POSTN: variants seen among roughly 807,000 people sequenced by gnomAD.
POSTN encodes osteoblast specific factor 2 (fasciclin I-like).
In POSTN, 71 loss-of-function variants were observed where a neutral mutation model predicts 104.5. That is an observed-to-expected ratio of 0.68 (90% CI 0.56 to 0.83). The LOEUF is 0.83. POSTN is among the 40% of genes least tolerant of loss of function. The pLI is 0.00. For synonymous variants in POSTN, 355 were observed against 340.7 expected, an observed-to-expected ratio of 1.04 and a Z score of -0.46; for missense variants, 949 against 1,006.8, an observed-to-expected ratio of 0.94 and a Z score of 0.78.
chr13:37,565,059 C>T (rs1184260035), intron 21 of POSTN: 1 of 152,320 alleles, frequency 6.6e-6, no homozygotes, highest in African/African-American at 2.4e-5. Flanking sequence ...AACAAAGTAG[C>T]ACTGACCTAA....
At chr13:37,596,532 CAT>C (rs1489032916) in intron 2 of POSTN, among the ~76,000 whole-genome samples, 3 of 152,164 alleles carry the variant, frequency 2.0e-5, no homozygotes, top group Admixed American at 1.3e-4. Flanking sequence ...ATCAGTGAAA[CAT>C]ATGTTAAAAC....
Position 37,597,191 on chromosome 13 carries a change from GTCCACAGA to G in POSTN, c.203_210del (p.Ile68ThrfsTer8). ...AAAAAAAAAGAGACTTACGTTTTCT[GTCCACAGA>G]TGGACTTTTTATACCAGTTCTTACA... is the stretch of plus-strand genomic sequence containing the variant. On this transcript the variant is annotated frameshift_variant, in exon 2 of 23. Coordinates refer to ENST00000379747, the MANE Select transcript of POSTN (RefSeq NM_006475.3). LOFTEE classifies it high-confidence loss of function. 1 of 1,547,086 alleles carries G rather than the reference GTCCACAGA, an allele frequency of 6.5e-7. No individual in the cohort carries two copies. The highest frequency in any genetic ancestry group is 8.7e-7 in the Non-Finnish European group (1 of 1,152,244).
In POSTN at chr13:37,574,629, C is replaced by A. The variant is rs866403808; in HGVS notation, c.2032G>T (p.Val678Leu). 3 of 1,595,644 alleles carry A rather than the reference C, an allele frequency of 1.9e-6. No individual in the cohort carries two copies. The highest frequency in any genetic ancestry group is 2.6e-6 in the Non-Finnish European group (3 of 1,173,400). Reference sequence around the variant, plus strand: ...TCAATCACTTTAATTTTTGGTTCCACAACTTTGGTTATAATTTTAGTTGCT... The same window carrying A: ...TCAATCACTTTAATTTTTGGTTCCAAAACTTTGGTTATAATTTTAGTTGCT... The part of the protein sequence containing the change: ...VYTTKIITKV[V>L]EPKIKVIEGS... The change falls in exon 17 of 23, where the codon GTG becomes TTG. Residue 678 changes from valine (V) to leucine (L), a missense_variant. By Grantham distance (32) the Val-to-Leu change is conservative (BLOSUM62 1). Transcript: ENST00000379747.
chr13:37,574,932 G>A (rs1162035310), intron 16 of POSTN, among the ~76,000 whole-genome samples: 1 of 151,868 alleles, frequency 6.6e-6, no homozygotes, highest in Non-Finnish European at 1.5e-5. Context: ...ATTTTTAATT[G>A]TACCGCTAAA....
intron 4 of POSTN, among the ~76,000 whole-genome samples, chr13:37,588,272 G>A (rs1248076846): frequency 6.6e-6 from 1 of 152,054 alleles, no homozygotes; most frequent in Non-Finnish European, 1.5e-5. Flanking sequence ...AAAATGATAA[G>A]AAAGGGAGAT....
intron 9 of POSTN, among the ~76,000 whole-genome samples, chr13:37,583,427 CT>C (rs1275041453): frequency 2.8e-5 from 4 of 140,822 alleles, no homozygotes; most frequent in Non-Finnish European, 3.1e-5. Flanking sequence ...ACTAAATATG[CT>C]TTTTTTTAAG....
chr13:37,579,330 G>A lies in POSTN; in HGVS notation c.1690C>T (p.Leu564Phe). The A allele has an allele frequency of 6.3e-7, 1 of 1,591,694 alleles. No individual in the cohort carries two copies. The highest frequency in any genetic ancestry group is 8.6e-7 in the Non-Finnish European group (1 of 1,159,962). ...AAAACTCCTGGTGTCAGGTGATAAA[G>A]AATGATGTTTTGAAGAGCATTTTTG... ...RDKNALQNII[L>F]YHLTPGVFIG... Residue 564 changes from leucine (L) to phenylalanine (F), a missense_variant, in exon 13 of 23, where the codon CTT becomes TTT. Physicochemically the swap from Leu to Phe is conservative, Grantham distance 22. Transcript: ENST00000379747.
intron 10 of POSTN, 73 bp from the exon 11 acceptor site, chr13:37,580,770 A>AG: frequency 1.3e-6 from 2 of 1,585,724 alleles, no homozygotes; most frequent in Non-Finnish European, 1.7e-6. Context: ...TAACTACATA[A>AG]TTAAGTTTCC....
Position 37,590,435 on chromosome 13 carries a change from G to C in POSTN, c.378C>G (p.Ile126Met). The C allele has an allele frequency of 6.2e-7, 1 of 1,612,452 alleles. No individual in the cohort carries two copies. The change falls in exon 4 of 23, where the codon ATC becomes ATG. Residue 126 changes from isoleucine (I) to methionine (M), a missense_variant. Physicochemically the swap from Ile to Met is conservative, Grantham distance 10. Transcript: ENST00000379747. The stretch of plus-strand genomic sequence containing the variant: ...AGTAAGTGAAGGATCCCTTTCCCTC[G>C]ATCTCCTCCCTCAGTTTTGAGGCGT... ...YSDASKLREE[I>M]EGKGSFTYFA...
chr13:37,583,414 G>T (rs185249643), intron 9 of POSTN, among the ~76,000 whole-genome samples: 2 of 149,526 alleles, frequency 1.3e-5, no homozygotes, highest in South Asian at 2.1e-4. Context: ...GATTCACAGA[G>T]AAACTAAATA....
rs1212944445 is a variant in POSTN at position 37,580,715 on chromosome 13, G to A, written c.1393-18C>T. On this transcript the variant is annotated intron_variant, in intron 10 of 22. Transcript: ENST00000379747. ...CAGACAGCCTAGGAAAGGAAAGAAA[G>A]GTATGGGGTGTCATTTTCCTTGCTT... 6.2e-7 allele frequency: 1 copy of A among 1,613,424 alleles called. No individual in the cohort carries two copies. Among genetic ancestry groups the A allele is most frequent in the Non-Finnish European group, 8.5e-7 (1 of 1,179,692 alleles).
chr13:37,575,648 T>TA (rs971535406), intron 16 of POSTN, among the ~76,000 whole-genome samples: 1 of 152,148 alleles, frequency 6.6e-6, no homozygotes, highest in Non-Finnish European at 1.5e-5. Context: ...ACTGTGCATC[T>TA]AGATCACATC....
At chr13:37,580,270 T>C (rs1344647310) in intron 11 of POSTN, among the ~76,000 whole-genome samples, 2 of 152,210 alleles carry the variant, frequency 1.3e-5, no homozygotes, top group Non-Finnish European at 2.9e-5. Context: ...CATGTAATAC[T>C]CTACAAGATA....
chr13:37,585,217 A>T (rs938074786), intron 7 of POSTN, among the ~76,000 whole-genome samples: 2 of 152,114 alleles, frequency 1.3e-5, no homozygotes, highest in African/African-American at 2.4e-5. Context: ...TAAAAAAGTA[A>T]CTCCTGATGT....
rs532591173 is a variant in POSTN at position 37,587,746 on chromosome 13, G to A, written c.606+76C>T. The stretch of plus-strand genomic sequence containing the variant: ...CTCACTAACATTTTATTATTTTTGT[G>A]AGCATTATATAAAAAGTATAGACAA... On this transcript the variant is annotated intron_variant, in intron 5 of 22. Coordinates refer to ENST00000379747, the MANE Select transcript of POSTN (RefSeq NM_006475.3). 19 of 1,140,978 alleles carry A rather than the reference G, an allele frequency of 1.7e-5. No homozygotes were observed. In the African/African-American group the frequency reaches 2.6e-4, roughly 15 times the overall value. The allele number at this position is 1,140,978 out of a possible 1,614,324, so 70.7% of individuals were successfully genotyped here.
chr13:37,577,614 T>G, intron 16 of POSTN, 139 bp downstream of exon 16: 1 of 1,369,024 alleles, frequency 7.3e-7, no homozygotes, highest in Non-Finnish European at 9.5e-7. Flanking sequence ...TCAATCCTTT[T>G]TTCAAGTGAA....
intron 2 of POSTN, among the ~76,000 whole-genome samples, chr13:37,595,283 A>G (rs1463157581): frequency 6.6e-6 from 1 of 152,196 alleles, no homozygotes. Flanking sequence ...AACAAAGAGG[A>G]AAACTCAGAG....
chr13:37,597,418 T>G, intron 1 of POSTN, 136 bp from the exon 2 acceptor site: 1 of 623,934 alleles, frequency 1.6e-6, no homozygotes, highest in Non-Finnish European at 2.7e-6. Flanking sequence ...CTTGCACAAA[T>G]CTAATTATTG....
intron 6 of POSTN, 105 bp downstream of exon 6, chr13:37,586,677 G>A: frequency 2.8e-6 from 3 of 1,080,004 alleles, no homozygotes; most frequent in South Asian, 3.1e-5. Flanking sequence ...CAAAAAATAT[G>A]TGTTACATTT....
Sources: gnomAD v4.1 joint callset for allele counts (sites outside exome capture counted in the v4.1 genomes callset) on GRCh38, gnomAD v4.1.1 for gene constraint, MANE v1.5 for transcripts, NCBI Gene and HGNC (gene_info 2026-07-23, HGNC 2026-07-21) for gene names.